HPCAL1: variants seen among roughly 807,000 people sequenced by gnomAD.
The protein encoded by HPCAL1 is hippocalcin like 1.
HPCAL1 carries 8 observed loss-of-function variants against 17.1 expected under a neutral mutation model. The ratio of observed to expected loss-of-function variants is 0.47; its 90% CI spans 0.27 to 0.84. The LOEUF (loss-of-function observed/expected upper bound fraction) is 0.84. Ranked by LOEUF, HPCAL1 falls within the 40% of genes least tolerant of loss-of-function variation. The pLI, the probability that HPCAL1 is intolerant of heterozygous loss-of-function variation, is 0.13. For synonymous variants in HPCAL1, 112 were observed against 111.4 expected (o/e 1.01, Z -0.03); for missense variants, 165 against 271.1 (o/e 0.61, Z 2.75).
intron 1 of HPCAL1, among the ~76,000 whole-genome samples, chr2:10,347,100 G>T (rs1248103543): frequency 1.3e-5 from 2 of 152,024 alleles, no homozygotes; most frequent in African/African-American, 4.8e-5. Flanking sequence ...AGAGAGCCCC[G>T]CACCGCCCCC....
rs374034495 is a variant in HPCAL1, at chr2:10,354,966, C to T, written c.-110-41869C>T. On this transcript the variant is annotated intron_variant, in intron 1 of 4. Transcript: ENST00000307845. The surrounding 1 kb of genome is among the most constrained non-coding windows in gnomAD (Gnocchi z 5.1). ...GCACCAGGCACTGTGTTAGGTGCTG[C>T]AGAGATGAAGATGAGGAGGATGATG... Among the ~76,000 whole-genome samples, 3 of 152,212 alleles carry T rather than the reference C, an allele frequency of 2.0e-5. No individual in the cohort carries two copies. The East Asian group carries it at 5.8e-4, about 29-fold the overall frequency.
At chr2:10,389,444 G>A (rs182232521) in intron 1 of HPCAL1, among the ~76,000 whole-genome samples, 9 of 152,290 alleles carry the variant, frequency 5.9e-5, no homozygotes, top group Admixed American at 5.9e-4. Context: ...ACCCTCCTGG[G>A]CTAAGTCCCA....
chr2:10,385,897 C>CG (rs34110481), intron 1 of HPCAL1, among the ~76,000 whole-genome samples: 3 of 152,036 alleles, frequency 2.0e-5, no homozygotes, highest in Admixed American at 2.0e-4. Context: ...GGCCTCGTGT[C>CG]GGGGGGTGTC....
intron 1 of HPCAL1, among the ~76,000 whole-genome samples, chr2:10,334,088 T>A (rs1452256326): frequency 6.6e-6 from 1 of 152,220 alleles, no homozygotes. Context: ...CAATAGCCAC[T>A]CTGCGGAGGG....
At position 10,330,951 on chromosome 2, in the gene HPCAL1, G is replaced by A. The variant is rs952991163; in HGVS notation, c.-111+27774G>A. Among the ~76,000 whole-genome samples, 4 of 152,126 alleles carry A rather than the reference G, an allele frequency of 2.6e-5. No individual in the cohort carries two copies. The highest frequency in any genetic ancestry group is 7.2e-5 in the African/African-American group (3 of 41,428). On this transcript the variant is annotated intron_variant, in intron 1 of 4. Coordinates refer to ENST00000307845, the MANE Select transcript of HPCAL1 (RefSeq NM_002149.4). This position sits in a 1 kb window ranked among gnomAD's most constrained non-coding sequence, Gnocchi z 4.2. ...GTGCAGCAAGCCCACCCCTGCATTC[G>A]GAGAGCCTTAGCGGGAAGCCTGTTG...
At chr2:10,320,536 T>C (rs1173718636) in intron 1 of HPCAL1, among the ~76,000 whole-genome samples, 1 of 152,236 alleles carries the variant, frequency 6.6e-6, no homozygotes, top group Non-Finnish European at 1.5e-5. Context: ...GTGCAGTATG[T>C]GGAACCGTGA....
intron 1 of HPCAL1, among the ~76,000 whole-genome samples, chr2:10,312,960 C>T (rs967703953): frequency 6.6e-6 from 1 of 152,160 alleles, no homozygotes; most frequent in Admixed American, 6.5e-5. Flanking sequence ...GCTTCTCAAC[C>T]TTTGGGCTGC....
intron 1 of HPCAL1, among the ~76,000 whole-genome samples, chr2:10,382,443 T>C (rs1668012719): frequency 6.6e-6 from 1 of 152,066 alleles, no homozygotes; most frequent in South Asian, 2.1e-4. Flanking sequence ...ACTTGGGTGA[T>C]AATGACGTGT....
chr2:10,304,497 C>G lies in HPCAL1; in HGVS notation c.-111+1320C>G, dbSNP rs1662492812. ...GCATTAGACAACCCCCAGCCCCAGC[C>G]CCTGCCATCCCTGCTCCCTTGCAGC... On this transcript the variant is annotated intron_variant, in intron 1 of 4. Transcript: ENST00000307845. This position sits in a 1 kb window ranked among gnomAD's most constrained non-coding sequence, Gnocchi z 4.1. Among the ~76,000 whole-genome samples, 1 of 152,204 alleles carries G rather than the reference C, an allele frequency of 6.6e-6. No homozygotes were observed. The highest frequency in any genetic ancestry group is 6.5e-5 in the Admixed American group (1 of 15,284).
rs1256089383 is a variant in HPCAL1 at position 10,367,372 on chromosome 2, A to C, written c.-110-29463A>C. Among the ~76,000 whole-genome samples, 1 of 151,642 alleles carries C rather than the reference A, an allele frequency of 6.6e-6. No homozygotes were observed. The highest frequency in any genetic ancestry group is 1.5e-5 in the Non-Finnish European group (1 of 67,944). ...CTCGATCATAGCTCACTGCAACCTC[A>C]AACTCCCAGGCTCAAGTGATCCTCC... On this transcript the variant is annotated intron_variant, in intron 1 of 4. Transcript: ENST00000307845. This position sits in a 1 kb window ranked among gnomAD's most constrained non-coding sequence, Gnocchi z 4.4.
At position 10,315,672 on chromosome 2, in the gene HPCAL1, T is replaced by C. The variant is rs116995639; in HGVS notation, c.-111+12495T>C. 2.6e-5 allele frequency among the ~76,000 whole-genome samples: 4 copies of C among 152,334 alleles called. No homozygotes were observed. In the East Asian group the frequency reaches 7.7e-4, roughly 29 times the overall value. On this transcript the variant is annotated intron_variant, in intron 1 of 4. Coordinates refer to ENST00000307845, the MANE Select transcript of HPCAL1 (RefSeq NM_002149.4). The stretch of plus-strand genomic sequence containing the variant: ...CCTTATTAAAATTTCTTCGCTGCAC[T>C]GAAATTCAACACTGAGCAAATCTGT...
chr2:10,418,422 G>A (rs1379176580), intron 2 of HPCAL1, among the ~76,000 whole-genome samples: 2 of 135,432 alleles, frequency 1.5e-5, no homozygotes, highest in East Asian at 4.5e-4. Context: ...GTGCCTGGAA[G>A]GGCAACACAG....
chr2:10,355,172 C>T (rs1279091184), intron 1 of HPCAL1, among the ~76,000 whole-genome samples: 1 of 152,124 alleles, frequency 6.6e-6, no homozygotes. Context: ...TTTAACGGGG[C>T]CGGGCGCGGT....
intron 1 of HPCAL1, among the ~76,000 whole-genome samples, chr2:10,390,764 C>T (rs1668637262): frequency 6.6e-6 from 1 of 152,110 alleles, no homozygotes; most frequent in Non-Finnish European, 1.5e-5. Flanking sequence ...GCACCGAATG[C>T]ACCCCACCCC....
intron 2 of HPCAL1, among the ~76,000 whole-genome samples, chr2:10,399,777 G>A (rs1186563124): frequency 6.6e-6 from 1 of 152,114 alleles, no homozygotes; most frequent in Admixed American, 6.5e-5. Flanking sequence ...AGCAGCACCT[G>A]CATACTAAGG....
At chr2:10,309,483 G>T (rs781548297) in intron 1 of HPCAL1, among the ~76,000 whole-genome samples, 2 of 152,170 alleles carry the variant, frequency 1.3e-5, no homozygotes, top group Non-Finnish European at 1.5e-5. Flanking sequence ...CCCTTTTATG[G>T]CCTTGCCTGG....
Position 10,304,640 on chromosome 2 carries a change from A to G in HPCAL1, c.-111+1463A>G, listed in dbSNP as rs908560329. Among the ~76,000 whole-genome samples, 17 of 152,260 alleles carry G rather than the reference A, an allele frequency of 1.1e-4. No individual in the cohort carries two copies. The highest frequency in any genetic ancestry group is 2.6e-4 in the Admixed American group (4 of 15,294). On this transcript the variant is annotated intron_variant, in intron 1 of 4. Transcript: ENST00000307845. The surrounding 1 kb of genome is among the most constrained non-coding windows in gnomAD (Gnocchi z 4.1). ...ATTGAACCGCAGTGAACGAGCACCC[A>G]GCTCTTACCACGACTCACTCTCTGG...
intron 2 of HPCAL1, among the ~76,000 whole-genome samples, chr2:10,400,252 A>C (rs1669515001): frequency 6.6e-6 from 1 of 152,152 alleles, no homozygotes. Context: ...GACGCTGGCA[A>C]CCCCGACCGC....
chr2:10,326,698 C>T (rs1488637315), intron 1 of HPCAL1, among the ~76,000 whole-genome samples: 1 of 152,172 alleles, frequency 6.6e-6, no homozygotes, highest in Admixed American at 6.5e-5. Flanking sequence ...GTCCAGCGCC[C>T]CTGGTCCTCA....
Sources: gnomAD v4.1 joint callset for allele counts (sites outside exome capture counted in the v4.1 genomes callset) on GRCh38, gnomAD v4.1.1 for gene constraint, Gnocchi (gnomAD v3.1) non-coding constraint, MANE v1.5 for transcripts, NCBI Gene and HGNC (gene_info 2026-07-23, HGNC 2026-07-21) for gene names.